Variants in VAV3 observed in about 807,000 individuals in gnomAD.
VAV3 encodes vav guanine nucleotide exchange factor 3, also known as guanine nucleotide exchange factor VAV3.
Under a neutral mutation model 131.2 loss-of-function variants are expected in VAV3, and 94 were observed. The ratio of observed to expected loss-of-function variants is 0.72; its 90% CI spans 0.61 to 0.85. VAV3 has a LOEUF of 0.85. Among genes scored for constraint, VAV3 ranks in the 40% least tolerant of loss-of-function variants. The pLI, the probability that VAV3 is intolerant of heterozygous loss-of-function variation, is 0.00. For missense variants in VAV3, 939 were observed against 1,002.7 expected (o/e 0.94, Z 0.86); for synonymous variants, 349 against 342.0 (o/e 1.02, Z -0.22).
At chr1:107,672,922 A>G (rs1357102705) in intron 19 of VAV3, among the ~76,000 whole-genome samples, 1 of 152,212 alleles carries the variant, frequency 6.6e-6, no homozygotes, top group Non-Finnish European at 1.5e-5. Flanking sequence ...TCATACCCCA[A>G]TAATATGTGG....
At chr1:107,738,956 A>C (rs1281170708) in intron 15 of VAV3, among the ~76,000 whole-genome samples, 1 of 152,230 alleles carries the variant, frequency 6.6e-6, no homozygotes, top group Non-Finnish European at 1.5e-5. Context: ...ATTATTGTTC[A>C]TTTAAAAAGA....
intron 15 of VAV3, among the ~76,000 whole-genome samples, chr1:107,736,606 T>C (rs1008476671): frequency 6.6e-6 from 1 of 152,116 alleles, no homozygotes; most frequent in Non-Finnish European, 1.5e-5. Context: ...CATTCACAAT[T>C]GCTACAAAGA....
chr1:107,885,677 G>T (rs148643195), intron 1 of VAV3, among the ~76,000 whole-genome samples: 1 of 152,112 alleles, frequency 6.6e-6, no homozygotes, highest in Non-Finnish European at 1.5e-5. Context: ...CCTGATACAG[G>T]TAAGTACTGT....
intron 18 of VAV3, among the ~76,000 whole-genome samples, chr1:107,686,164 T>C (rs767761504): frequency 1.4e-4 from 22 of 152,168 alleles, no homozygotes; most frequent in Non-Finnish European, 2.2e-4. Context: ...TAAATATGTA[T>C]GCAATGATAA....
rs1304252642 is a variant in VAV3 at position 107,608,067 on chromosome 1, T to TC, written c.2015+1863_2015+1864insG. ...TTGCTCAAGAAAAAAAGAAAAGTAA[T>TC]TTAAAATTCTACTACATCTTTATTT... On this transcript the variant is annotated intron_variant, in intron 22 of 26. Transcript: ENST00000370056. Among the ~76,000 whole-genome samples, 20 of 63,804 alleles carry TC rather than the reference T, an allele frequency of 3.1e-4. No homozygotes were observed. The South Asian group carries it at 5.9e-3, about 19-fold the overall frequency. The allele number at this position is 63,804 out of a possible 152,430, so 41.9% of individuals were successfully genotyped here. A position where few individuals can be genotyped will look rare whatever the true frequency, so the allele number is the denominator to read the frequency against.
intron 4 of VAV3, 92 bp downstream of exon 4, chr1:107,777,139 T>G: frequency 1.7e-6 from 2 of 1,164,494 alleles, no homozygotes; most frequent in Admixed American, 3.6e-5. Context: ...CTTTTCCTCC[T>G]TCAGATAGCT....
intron 2 of VAV3, among the ~76,000 whole-genome samples, chr1:107,874,245 AATG>A (rs1353177120): frequency 1.3e-5 from 2 of 152,190 alleles, no homozygotes; most frequent in East Asian, 1.9e-4. Context: ...TAATTTTTGA[AATG>A]ATGATTTGTT....
chr1:107,793,514 A>T (rs1234813044), intron 2 of VAV3, among the ~76,000 whole-genome samples: 1 of 151,960 alleles, frequency 6.6e-6, no homozygotes, highest in Non-Finnish European at 1.5e-5. Context: ...CAGCACCTAG[A>T]CCACCACATG....
At chr1:107,944,636 A>C (rs6701721) in intron 1 of VAV3, among the ~76,000 whole-genome samples, 30,382 of 152,104 alleles carry the variant, frequency 0.2, 3,440 homozygotes, top group East Asian at 0.36. Context: ...ACAGAGTCTC[A>C]CTCTGTCACC....
Position 107,776,412 on chromosome 1 carries a change from T to C in VAV3, c.446+819A>G, listed in dbSNP as rs756342649. Among the ~76,000 whole-genome samples the C allele has an allele frequency of 2.0e-5, 3 of 151,782 alleles. No homozygotes were observed. In the South Asian group the frequency reaches 6.2e-4, roughly 32 times the overall value. ...GTAAAAACACAGCAATGTAAGGGGG[T>C]GGTGGCAATTTTAGACAGGATAGTC... On this transcript the variant is annotated intron_variant, in intron 4 of 26. Coordinates refer to ENST00000370056, the MANE Select transcript of VAV3 (RefSeq NM_006113.5).
intron 20 of VAV3, among the ~76,000 whole-genome samples, chr1:107,637,254 C>A (rs1005710735): frequency 3.3e-5 from 5 of 151,950 alleles, no homozygotes; most frequent in African/African-American, 4.8e-5. Context: ...TTGAAAACCA[C>A]AATCTACCAA....
chr1:107,585,611 T>G (rs1241910620), intron 25 of VAV3, among the ~76,000 whole-genome samples: 1 of 152,136 alleles, frequency 6.6e-6, no homozygotes. Flanking sequence ...CACTGACAGT[T>G]CTCTCTTTCA....
intron 1 of VAV3, chr1:107,964,422 A>T (rs908216858): frequency 4.5e-6 from 2 of 442,938 alleles, no homozygotes; most frequent in Non-Finnish European, 8.2e-6. Flanking sequence ...CGCCTCACAG[A>T]AAGCCTTTAC....
At chr1:107,947,807 G>A (rs1248785489) in intron 1 of VAV3, among the ~76,000 whole-genome samples, 1 of 152,174 alleles carries the variant, frequency 6.6e-6, no homozygotes, top group Non-Finnish European at 1.5e-5. Context: ...TAAGGCCAAT[G>A]TGAAGGATTC....
At chr1:107,588,865 A>G (rs1307003197) in intron 25 of VAV3, among the ~76,000 whole-genome samples, 7 of 152,346 alleles carry the variant, frequency 4.6e-5, no homozygotes, top group African/African-American at 1.7e-4. Context: ...CTCTTATTCC[A>G]TATAAAATAT....
At chr1:107,852,705 G>T (rs751618097) in intron 2 of VAV3, among the ~76,000 whole-genome samples, 116 of 152,078 alleles carry the variant, frequency 7.6e-4, no homozygotes, top group Non-Finnish European at 1.5e-3. Context: ...TATATCAACT[G>T]GTATCTTAAG....
intron 17 of VAV3, among the ~76,000 whole-genome samples, chr1:107,690,712 C>T (rs1188435642): frequency 6.6e-6 from 1 of 152,124 alleles, no homozygotes. Context: ...CTCTGTGTAA[C>T]CCAGATAGGA....
At chr1:107,939,821 A>G (rs926200976) in intron 1 of VAV3, among the ~76,000 whole-genome samples, 5 of 152,268 alleles carry the variant, frequency 3.3e-5, no homozygotes, top group Admixed American at 6.5e-5. Context: ...TAAACTGACC[A>G]TTGCTCTTGG....
chr1:107,924,693 A>G (rs1316746837), intron 1 of VAV3, among the ~76,000 whole-genome samples: 1 of 152,192 alleles, frequency 6.6e-6, no homozygotes, highest in African/African-American at 2.4e-5. Context: ...CTTCATATCT[A>G]TTTGGAAAGT....
Sources: gnomAD v4.1 joint callset for allele counts (sites outside exome capture counted in the v4.1 genomes callset) on GRCh38, gnomAD v4.1.1 for gene constraint, MANE v1.5 for transcripts, NCBI Gene and HGNC (gene_info 2026-07-23, HGNC 2026-07-21) for gene names.